The following CGGBP1 variants were observed in gnomAD, a reference collection of about 807,000 sequenced individuals.
CGGBP1 encodes CGG triplet repeat binding protein 1, also known as CGG triplet repeat-binding protein 1.
In CGGBP1, 4 loss-of-function variants were observed where a neutral mutation model predicts 11.4. The ratio of observed to expected loss-of-function variants is 0.35; its 90% confidence interval spans 0.17 to 0.80. The LOEUF (loss-of-function observed/expected upper bound fraction) is 0.80, where lower values mean the gene tolerates loss of function less well. CGGBP1 is among the 30% of genes least tolerant of loss of function. The probability of loss-of-function intolerance (pLI) is 0.52; values close to 1 mark genes in which losing one functional copy is unlikely to be tolerated. For synonymous variants in CGGBP1, 76 were observed against 74.1 expected (o/e 1.03, Z -0.13); for missense variants, 135 against 202.1 (o/e 0.67, Z 2.01).
Position 88,055,752 on chromosome 3 carries a change from T to C in CGGBP1, c.225A>G (p.Glu75=). Residue 75 remains glutamate (E), a synonymous_variant, in exon 4 of 4, where the codon GAA becomes GAG. Transcript: ENST00000482016. This position sits in a 1 kb window ranked among gnomAD's most constrained non-coding sequence, Gnocchi z 4.2. ...TCTGCTTCTTTCTCACATTCTGCTCTTCAAATTCTGCCTTCCTCTTGGTAT... is the reference window on the plus strand; with the variant it reads ...TCTGCTTCTTTCTCACATTCTGCTCCTCAAATTCTGCCTTCCTCTTGGTAT... The part of the protein sequence containing the change: ...KTHTKRKAEF[E]EQNVRKKQRP... 1 of 1,614,230 alleles carries C rather than the reference T, an allele frequency of 6.2e-7. No homozygotes were observed. Among genetic ancestry groups the C allele is most frequent in the Non-Finnish European group, 8.5e-7 (1 of 1,180,038 alleles).
chr3:88,120,870 G>A (rs1705729230), intron 2 of CGGBP1, among the ~76,000 whole-genome samples: 1 of 152,058 alleles, frequency 6.6e-6, no homozygotes, highest in African/African-American at 2.4e-5. Flanking sequence ...CAGTGATATA[G>A]TAATTCAAAG....
At chr3:88,070,570 T>G (rs1481505144) in intron 2 of CGGBP1, among the ~76,000 whole-genome samples, 3 of 20,590 alleles carry the variant, frequency 1.5e-4, no homozygotes, top group East Asian at 4.3e-3. Flanking sequence ...CCTGTTTTTT[T>G]TTTTTTTTTT....
rs1230965652 is a variant in CGGBP1, at chr3:88,058,989, C to T, written c.-505G>A. ...CGCCGTGTCCCCCGCCGCGCCCCGT[C>T]CGCCTGCACCGCCTATGGCAGAGCC... On this transcript the variant is annotated 5_prime_UTR_variant, in exon 1 of 4. Transcript: ENST00000482016. 2.4e-5 allele frequency: 6 copies of T among 251,962 alleles called. No homozygotes were observed. The highest frequency in any genetic ancestry group is 3.7e-5 in the Non-Finnish European group (5 of 135,476). 15.6% of individuals were successfully genotyped at this position (251,962 alleles called of 1,614,324 possible). A position where few individuals can be genotyped will look rare whatever the true frequency, so the allele number is the denominator to read the frequency against.
chr3:88,145,518 G>A (rs866392475), intron 1 of CGGBP1, among the ~76,000 whole-genome samples: 1 of 151,998 alleles, frequency 6.6e-6, no homozygotes, highest in Non-Finnish European at 1.5e-5. Flanking sequence ...AGTTATTGGG[G>A]TTTAGATAAC....
intron 1 of CGGBP1, among the ~76,000 whole-genome samples, chr3:88,146,417 A>G (rs1171269944): frequency 6.6e-6 from 1 of 152,228 alleles, no homozygotes; most frequent in Admixed American, 6.5e-5. Flanking sequence ...AAGATCTAAT[A>G]TCCCAAACCG....
At chr3:88,082,129 A>T (rs1708108926) in intron 2 of CGGBP1, among the ~76,000 whole-genome samples, 1 of 141,750 alleles carries the variant, frequency 7.1e-6, no homozygotes, top group African/African-American at 2.6e-5. Context: ...TTGTTAATCA[A>T]TTTTTTTTTT....
intron 2 of CGGBP1, among the ~76,000 whole-genome samples, chr3:88,080,660 A>T (rs1024540118): frequency 6.6e-6 from 1 of 151,926 alleles, no homozygotes; most frequent in Non-Finnish European, 1.5e-5. Context: ...TTTCCATCTG[A>T]CTCTTAACCA....
In CGGBP1 at chr3:88,094,104, CTTTT is replaced by C. The variant is rs11449650; in HGVS notation, c.-228-35885_-228-35882del. On this transcript the variant is annotated intron_variant, in intron 2 of 3. Coordinates refer to the CGGBP1 transcript ENST00000462901. ...TCTTCTCTGAGGAAGAGATAATATT[CTTTT>C]TTTTTTTTGAGGCAGTTGGTGGTCT... Among the ~76,000 whole-genome samples, 794 of 147,918 alleles carry C rather than the reference CTTTT, an allele frequency of 5.4e-3. 5 individuals are homozygous for C. Among genetic ancestry groups the C allele is most frequent in the Non-Finnish European group, 9.0e-3 (600 of 66,884 alleles).
At chr3:88,096,371 G>A (rs947654397) in intron 2 of CGGBP1, among the ~76,000 whole-genome samples, 3 of 152,088 alleles carry the variant, frequency 2.0e-5, no homozygotes, top group African/African-American at 7.2e-5. Context: ...ATTTGTGTGA[G>A]AGGGTACCTC....
At chr3:88,107,011 G>A (rs1167059530) in intron 2 of CGGBP1, among the ~76,000 whole-genome samples, 1 of 152,122 alleles carries the variant, frequency 6.6e-6, no homozygotes, top group East Asian at 1.9e-4. Flanking sequence ...TAATTATAGA[G>A]GCTTTACAAA....
chr3:88,096,921 C>G (rs1704096852), intron 2 of CGGBP1, among the ~76,000 whole-genome samples: 1 of 152,078 alleles, frequency 6.6e-6, no homozygotes, highest in Non-Finnish European at 1.5e-5. Flanking sequence ...TCATTTTAGA[C>G]AAATGCTAGT....
In CGGBP1 at chr3:88,143,805, A is replaced by G. The variant is rs573406932; in HGVS notation, c.-337-2727T>C. The G allele has an allele frequency of 7.9e-5, 12 of 152,066 alleles. No homozygotes were observed. The South Asian group carries it at 1.2e-3, about 16-fold the overall frequency. 9.4% of individuals were successfully genotyped at this position (152,066 alleles called of 1,614,324 possible). On this transcript the variant is annotated intron_variant, in intron 1 of 3. Transcript: ENST00000462901. ...ATCAAGGAATGTTTTATAAAATTCT[A>G]TTTGACCACACTGTCTTAACCTCGG... is the stretch of plus-strand genomic sequence containing the variant.
chr3:88,130,151 T>G (rs1340766531), intron 2 of CGGBP1, among the ~76,000 whole-genome samples: 1 of 152,150 alleles, frequency 6.6e-6, no homozygotes, highest in East Asian at 1.9e-4. Flanking sequence ...TACCTAGCAA[T>G]CATGTAATTT....
chr3:88,132,363 GCGTTTGTACA>G (rs1706514652), intron 2 of CGGBP1, among the ~76,000 whole-genome samples: 1 of 152,138 alleles, frequency 6.6e-6, no homozygotes. Flanking sequence ...CCTGGGAAAT[GCGTTTGTACA>G]CTGAATGAGT....
intron 3 of CGGBP1, chr3:88,056,605 C>G (rs1706547605): frequency 6.6e-6 from 1 of 151,936 alleles, no homozygotes; most frequent in Admixed American, 6.6e-5. Flanking sequence ...ATATACAGTT[C>G]AAAGTTATTT....
At chr3:88,084,390 C>G (rs1294241414) in intron 2 of CGGBP1, among the ~76,000 whole-genome samples, 1 of 152,102 alleles carries the variant, frequency 6.6e-6, no homozygotes, top group Admixed American at 6.6e-5. Context: ...CAGAGAAAGG[C>G]AATAAAGCTG....
intron 2 of CGGBP1, among the ~76,000 whole-genome samples, chr3:88,127,019 C>T (rs1440795629): frequency 6.6e-6 from 1 of 152,040 alleles, no homozygotes; most frequent in Non-Finnish European, 1.5e-5. Context: ...TTAAAATGTT[C>T]CCCATATCAT....
At chr3:88,134,370 A>G (rs1706646469) in intron 2 of CGGBP1, among the ~76,000 whole-genome samples, 3 of 152,044 alleles carry the variant, frequency 2.0e-5, no homozygotes, top group Admixed American at 2.0e-4. Context: ...TGCTTTGTAC[A>G]CTTTTATGAC....
intron 2 of CGGBP1, among the ~76,000 whole-genome samples, chr3:88,106,285 G>C (rs374666999): frequency 3.0e-4 from 45 of 152,076 alleles, no homozygotes; most frequent in African/African-American, 1.0e-3. Flanking sequence ...ATTGTTATAG[G>C]GATGTTAAGC....
Sources: gnomAD v4.1 joint callset for allele counts (sites outside exome capture counted in the v4.1 genomes callset) on GRCh38, gnomAD v4.1.1 for gene constraint, Gnocchi (gnomAD v3.1) non-coding constraint, MANE v1.5 for transcripts, NCBI Gene and HGNC (gene_info 2026-07-23, HGNC 2026-07-21) for gene names.